Variants in PLCB1 observed in about 807,000 individuals in gnomAD.
PLCB1 encodes 1-phosphatidylinositol 4,5-bisphosphate phosphodiesterase beta-1.
A neutral mutation model predicts 161.8 loss-of-function variants in PLCB1; 46 were observed. That is an observed-to-expected ratio of 0.28 (90% CI 0.22 to 0.36). The LOEUF is 0.36. Ranked by LOEUF, PLCB1 falls within the 10% of genes least tolerant of loss-of-function variation. The pLI, the probability that PLCB1 is intolerant of heterozygous loss-of-function variation, is 1.00. For synonymous variants in PLCB1, 517 were observed against 503.7 expected (o/e 1.03, Z -0.35); for missense variants, 1,016 against 1,472.5 (o/e 0.69, Z 5.07).
intron 2 of PLCB1, among the ~76,000 whole-genome samples, chr20:8,305,463 A>G (rs181934398): frequency 2.6e-5 from 4 of 152,324 alleles, no homozygotes; most frequent in Non-Finnish European, 5.9e-5. Context: ...CAGCAGAATT[A>G]GGATTTGAAC....
intron 13 of PLCB1, 82 bp downstream of exon 13, chr20:8,716,430 A>G: frequency 1.0e-6 from 1 of 991,254 alleles, no homozygotes; most frequent in East Asian, 2.5e-5. Context: ...CTTCCTTTTC[A>G]TATTTATGTT....
At chr20:8,528,493 C>T (rs763341847) in intron 3 of PLCB1, among the ~76,000 whole-genome samples, 8 of 151,994 alleles carry the variant, frequency 5.3e-5, no homozygotes, top group Non-Finnish European at 7.4e-5. Context: ...GCAAATTAGT[C>T]TGTGGTGACA....
At chr20:8,682,395 G>T (rs773352163) in intron 9 of PLCB1, among the ~76,000 whole-genome samples, 83 of 152,250 alleles carry the variant, frequency 5.5e-4, no homozygotes, top group Non-Finnish European at 8.4e-4. Flanking sequence ...CCAGCTACTC[G>T]GGAGGCTGAG....
intron 2 of PLCB1, among the ~76,000 whole-genome samples, chr20:8,257,210 A>T (rs1170966826): frequency 1.3e-5 from 2 of 152,160 alleles, no homozygotes; most frequent in African/African-American, 4.8e-5. Flanking sequence ...TGTCATTTAC[A>T]GTTTACAGGT....
chr20:8,697,493 A>T, intron 10 of PLCB1, 133 bp from the exon 11 acceptor site: 5 of 851,208 alleles, frequency 5.9e-6, no homozygotes, highest in Non-Finnish European at 9.4e-6. Flanking sequence ...GTTGAGGCAG[A>T]AGAAAGGCAA....
At chr20:8,566,882 A>G (rs1219908972) in intron 3 of PLCB1, among the ~76,000 whole-genome samples, 1 of 150,432 alleles carries the variant, frequency 6.6e-6, no homozygotes, top group Non-Finnish European at 1.5e-5. Context: ...CTGTGACCCT[A>G]CTGGCAAAAG....
intron 2 of PLCB1, among the ~76,000 whole-genome samples, chr20:8,338,735 T>C (rs1985682042): frequency 6.6e-6 from 1 of 152,194 alleles, no homozygotes; most frequent in South Asian, 2.1e-4. Flanking sequence ...AAACACAGCG[T>C]AGATTAAGAT....
intron 2 of PLCB1, among the ~76,000 whole-genome samples, chr20:8,185,663 G>T (rs932342623): frequency 6.6e-6 from 1 of 151,808 alleles, no homozygotes; most frequent in African/African-American, 2.4e-5. Flanking sequence ...GACAGGAGAG[G>T]AAGGGCACTG....
chr20:8,143,046 A>G (rs576550655), intron 1 of PLCB1, among the ~76,000 whole-genome samples: 4 of 152,296 alleles, frequency 2.6e-5, no homozygotes, highest in African/African-American at 9.6e-5. Context: ...AACAGTGTCT[A>G]TATGAGTTTC....
chr20:8,779,507 C>CAAAA lies in PLCB1; in HGVS notation c.3111+4813_3111+4816dup, dbSNP rs373073139. On this transcript the variant is annotated intron_variant, in intron 27 of 31. Coordinates refer to ENST00000338037, the MANE Select transcript of PLCB1 (RefSeq NM_015192.4). ...AAGCTCTGTAGACTCCACTTTTGTG[C>CAAAA]AAAAAAAAAAAAAAAAAAAAAAAAA... Among the ~76,000 whole-genome samples, 19 of 102,516 alleles carry CAAAA rather than the reference C, an allele frequency of 1.9e-4. 2 individuals are homozygous for CAAAA. The highest frequency in any genetic ancestry group is 3.4e-4 in the Non-Finnish European group (18 of 52,296). The allele number at this position is 102,516 out of a possible 152,430, so 67.3% of individuals were successfully genotyped here.
At chr20:8,159,245 A>G (rs2051595506) in intron 2 of PLCB1, among the ~76,000 whole-genome samples, 1 of 152,124 alleles carries the variant, frequency 6.6e-6, no homozygotes, top group Non-Finnish European at 1.5e-5. Flanking sequence ...CAGACTCAAC[A>G]CCATGTGGAA....
intron 2 of PLCB1, among the ~76,000 whole-genome samples, chr20:8,162,032 A>C (rs1340787100): frequency 6.6e-6 from 1 of 152,190 alleles, no homozygotes; most frequent in African/African-American, 2.4e-5. Flanking sequence ...CACTGTGCTT[A>C]GTAAGGCAAT....
At chr20:8,190,946 T>C (rs1421071816) in intron 2 of PLCB1, among the ~76,000 whole-genome samples, 1 of 152,062 alleles carries the variant, frequency 6.6e-6, no homozygotes, top group Non-Finnish European at 1.5e-5. Flanking sequence ...ATCAAGTTCA[T>C]AATAATTATA....
At chr20:8,870,912 C>A (rs968641894) in intron 31 of PLCB1, among the ~76,000 whole-genome samples, 2 of 152,138 alleles carry the variant, frequency 1.3e-5, no homozygotes, top group Non-Finnish European at 2.9e-5. Flanking sequence ...GTTGGAAGAC[C>A]TTTGTCTAAA....
At chr20:8,670,011 C>T (rs1319745314) in intron 9 of PLCB1, among the ~76,000 whole-genome samples, 1 of 152,174 alleles carries the variant, frequency 6.6e-6, no homozygotes, top group Non-Finnish European at 1.5e-5. Context: ...GGTCTCCTCT[C>T]ATAAAGCACT....
At chr20:8,234,972 A>C (rs911309625) in intron 2 of PLCB1, among the ~76,000 whole-genome samples, 2 of 152,102 alleles carry the variant, frequency 1.3e-5, no homozygotes, top group African/African-American at 4.8e-5. Context: ...AGAAACACAT[A>C]GTGAATATGC....
At chr20:8,853,384 C>T (rs1986955643) in intron 31 of PLCB1, among the ~76,000 whole-genome samples, 2 of 152,186 alleles carry the variant, frequency 1.3e-5, no homozygotes, top group South Asian at 4.1e-4. Context: ...GTCAGTACTA[C>T]CTCCATCCGG....
chr20:8,377,608 C>T (rs1987129852), intron 3 of PLCB1, among the ~76,000 whole-genome samples: 1 of 152,140 alleles, frequency 6.6e-6, no homozygotes, highest in Admixed American at 6.5e-5. Context: ...AACAAAGTGA[C>T]ATAATCTGAA....
intron 10 of PLCB1, among the ~76,000 whole-genome samples, chr20:8,690,131 G>A (rs1990441571): frequency 8.4e-6 from 1 of 118,582 alleles, no homozygotes; most frequent in Non-Finnish European, 1.8e-5. Context: ...CTCATCTAAG[G>A]GGTTTTGTTT....
Sources: allele counts gnomAD v4.1 joint callset (sites outside exome capture counted in the v4.1 genomes callset), GRCh38; gene constraint gnomAD v4.1.1; transcripts MANE v1.5; gene names NCBI Gene and HGNC (gene_info 2026-07-23, HGNC 2026-07-21).